The following ATP6V0D2 variants were observed in gnomAD, a reference collection of about 807,000 sequenced individuals.
The protein encoded by ATP6V0D2 is ATPase H+ transporting V0 subunit d2.
A neutral mutation model predicts 40.0 loss-of-function variants in ATP6V0D2; 40 were observed. The ratio of observed to expected loss-of-function variants is 1.00; its 90% CI spans 0.78 to 1.30. ATP6V0D2 has a LOEUF of 1.30. Among genes scored for constraint, ATP6V0D2 ranks in the 50% most tolerant of loss-of-function variants. The probability of loss-of-function intolerance (pLI) is 0.00; values close to 1 mark genes in which losing one functional copy is unlikely to be tolerated. For synonymous variants in ATP6V0D2, 179 were observed against 156.3 expected (o/e 1.15, Z -1.08); for missense variants, 470 against 423.1 (o/e 1.11, Z -0.97).
chr8:86,110,380 C>T (rs912355087), intron 1 of ATP6V0D2, among the ~76,000 whole-genome samples: 82 of 152,330 alleles, frequency 5.4e-4, no homozygotes, highest in Admixed American at 1.4e-3. Context: ...CAGGCGTGGG[C>T]CACCACGCCC....
chr8:86,144,096 C>T, intron 5 of ATP6V0D2, among the ~76,000 whole-genome samples: 1 of 152,160 alleles, frequency 6.6e-6, no homozygotes, highest in Non-Finnish European at 1.5e-5. Context: ...TTGGTATCTA[C>T]CTCTCTAGCT....
chr8:86,128,801 G>T (rs778328056), intron 2 of ATP6V0D2, among the ~76,000 whole-genome samples: 4 of 152,132 alleles, frequency 2.6e-5, no homozygotes, highest in Non-Finnish European at 5.9e-5. Flanking sequence ...ACGATTTATG[G>T]TCTTCTTTTT....
intron 2 of ATP6V0D2, among the ~76,000 whole-genome samples, chr8:86,129,344 G>A (rs1238597046): frequency 6.6e-6 from 1 of 152,164 alleles, no homozygotes; most frequent in Admixed American, 6.5e-5. Context: ...GACAGTAATT[G>A]TCTACTTCTT....
intron 2 of ATP6V0D2, among the ~76,000 whole-genome samples, chr8:86,119,298 G>A (rs11780198): frequency 2.8e-5 from 4 of 143,140 alleles, no homozygotes; most frequent in African/African-American, 7.8e-5. Context: ...GCGCAATCTC[G>A]GCTTACTGCA....
At chr8:86,103,627 G>C (rs1430675136) in intron 1 of ATP6V0D2, among the ~76,000 whole-genome samples, 1 of 152,050 alleles carries the variant, frequency 6.6e-6, no homozygotes, top group African/African-American at 2.4e-5. Context: ...AGATGAACAA[G>C]ATAGAGTCCC....
At chr8:86,147,960 C>T (rs934533064) in intron 5 of ATP6V0D2, among the ~76,000 whole-genome samples, 1 of 152,158 alleles carries the variant, frequency 6.6e-6, no homozygotes, top group Admixed American at 6.5e-5. Flanking sequence ...CTGTCCTTCC[C>T]ACTTCTCCAA....
At chr8:86,141,799 G>A (rs1011931257) in intron 4 of ATP6V0D2, among the ~76,000 whole-genome samples, 1 of 152,300 alleles carries the variant, frequency 6.6e-6, no homozygotes, top group Non-Finnish European at 1.5e-5. Context: ...CATAAAAGGT[G>A]TTTGGATGAT....
chr8:86,101,322 T>C (rs1818394278), intron 1 of ATP6V0D2, among the ~76,000 whole-genome samples: 1 of 151,486 alleles, frequency 6.6e-6, no homozygotes, highest in African/African-American at 2.4e-5. Context: ...TGGCTGGGCA[T>C]GGTGGTGCAT....
At chr8:86,121,770 A>G (rs1818674118) in intron 2 of ATP6V0D2, among the ~76,000 whole-genome samples, 1 of 152,222 alleles carries the variant, frequency 6.6e-6, no homozygotes, top group South Asian at 2.1e-4. Flanking sequence ...TCTAGCACCC[A>G]TGAAATTCCA....
At chr8:86,106,580 T>C (rs1384879) in intron 1 of ATP6V0D2, among the ~76,000 whole-genome samples, 67,320 of 152,034 alleles carry the variant, frequency 0.44, 15,225 homozygotes, top group East Asian at 0.5. Context: ...TTGTTTTCCC[T>C]CTTCTGCTAG....
intron 2 of ATP6V0D2, 93 bp downstream of exon 2, chr8:86,113,973 T>C: frequency 8.5e-7 from 1 of 1,178,336 alleles, no homozygotes; most frequent in Non-Finnish European, 1.2e-6. Flanking sequence ...AGAGTGAGAC[T>C]TAAGACCTTT....
chr8:86,130,126 T>A (rs1050029856), intron 2 of ATP6V0D2, among the ~76,000 whole-genome samples: 1 of 152,156 alleles, frequency 6.6e-6, no homozygotes, highest in Non-Finnish European at 1.5e-5. Flanking sequence ...CTAAGTCCAA[T>A]GGATATTTTT....
intron 2 of ATP6V0D2, among the ~76,000 whole-genome samples, chr8:86,136,938 C>A (rs956602759): frequency 6.6e-6 from 1 of 152,170 alleles, no homozygotes; most frequent in African/African-American, 2.4e-5. Context: ...TGCGACCTTG[C>A]CTTGTCAACT....
intron 6 of ATP6V0D2, among the ~76,000 whole-genome samples, chr8:86,151,229 G>A (rs1277914594): frequency 6.6e-6 from 1 of 151,874 alleles, no homozygotes; most frequent in East Asian, 1.9e-4. Context: ...TGTATACTGA[G>A]AGTTGAATTG....
chr8:86,144,841 A>G (rs112088999), intron 5 of ATP6V0D2, among the ~76,000 whole-genome samples: 1 of 116,784 alleles, frequency 8.6e-6, no homozygotes, highest in Non-Finnish European at 2.1e-5. Flanking sequence ...TAAGTGTTTT[A>G]TTTTTTAAAA....
chr8:86,113,925 C>G, intron 2 of ATP6V0D2, 45 bp downstream of exon 2: 1 of 1,530,774 alleles, frequency 6.5e-7, no homozygotes, highest in Non-Finnish European at 8.8e-7. Context: ...TGTACTCGTG[C>G]GGATGACCCC....
At chr8:86,149,067 A>AAC (rs1440801361) in intron 5 of ATP6V0D2, among the ~76,000 whole-genome samples, 4 of 148,808 alleles carry the variant, frequency 2.7e-5, no homozygotes, top group Non-Finnish European at 6.0e-5. Context: ...AAAAAAAAAA[A>AAC]AAAAAAAACC....
chr8:86,112,318 A>G (rs1818536942), intron 1 of ATP6V0D2, among the ~76,000 whole-genome samples: 1 of 152,212 alleles, frequency 6.6e-6, no homozygotes, highest in Non-Finnish European at 1.5e-5. Context: ...ACAAGTGATA[A>G]TCTAATTGAA....
intron 5 of ATP6V0D2, 57 bp from the exon 6 acceptor site, chr8:86,150,053 GTC>G (rs2129644911): frequency 6.7e-7 from 1 of 1,482,188 alleles, no homozygotes; most frequent in African/African-American, 1.4e-5. Flanking sequence ...GCACTTAAGA[GTC>G]TGTTTATAGC....
Sources: allele counts gnomAD v4.1 joint callset (sites outside exome capture counted in the v4.1 genomes callset), GRCh38; gene constraint gnomAD v4.1.1; transcripts MANE v1.5; gene names NCBI Gene and HGNC (gene_info 2026-07-23, HGNC 2026-07-21).